The following NRXN3 variants were observed in gnomAD, a reference collection of about 807,000 sequenced individuals.
NRXN3 encodes neurexin III.
Under a neutral mutation model 137.6 loss-of-function variants are expected in NRXN3, and 32 were observed. The observed-to-expected ratio is 0.23, with a 90% CI of 0.18 to 0.31. The LOEUF (loss-of-function observed/expected upper bound fraction) is 0.31, where lower values mean the gene tolerates loss of function less well. NRXN3 is among the 10% of genes least tolerant of loss of function. The pLI, the probability that NRXN3 is intolerant of heterozygous loss-of-function variation, is 1.00. For missense variants in NRXN3, 1,574 were observed against 2,062.5 expected (o/e 0.76, Z 4.59); for synonymous variants, 798 against 784.5 (o/e 1.02, Z -0.29).
rs75276394 is a variant in NRXN3, at chr14:78,758,196, G to A, written c.2044+43057G>A. Among the ~76,000 whole-genome samples, 788 of 152,254 alleles carry A rather than the reference G, an allele frequency of 5.2e-3. 11 individuals carry two copies. The highest frequency in any genetic ancestry group is 0.017 in the African/African-American group (724 of 41,548). On this transcript the variant is annotated intron_variant, in intron 8 of 20. Transcript: ENST00000335750. ...CACCACTTTATAATTGTGTGGCTTC[G>A]GGTCAGTTAATGTATCTGAGCCTCA...
chr14:79,504,641 T>TTATATATATATATG lies in NRXN3; in HGVS notation c.3444+37253_3444+37266dup, dbSNP rs1555491924. ...AACTTCCATTATAAAATGAAGTTTTTTATATATATATATGTATATATATAT... is the reference window on the plus strand; with the variant it reads ...AACTTCCATTATAAAATGAAGTTTTTTATATATATATATGTATATATATATATGTATATATATAT... On this transcript the variant is annotated intron_variant, in intron 16 of 20. Coordinates refer to ENST00000335750, the MANE Select transcript of NRXN3 (RefSeq NM_001330195.2). Among the ~76,000 whole-genome samples, 340 of 97,896 alleles carry TTATATATATATATG rather than the reference T, an allele frequency of 3.5e-3. 16 individuals are homozygous for TTATATATATATATG. Among genetic ancestry groups the TTATATATATATATG allele is most frequent in the African/African-American group, 0.012 (309 of 26,736 alleles). The allele number at this position is 97,896 out of a possible 152,430, so 64.2% of individuals were successfully genotyped here. A position where few individuals can be genotyped will look rare whatever the true frequency, so the allele number is the denominator to read the frequency against.
At chr14:79,425,539 G>A (rs10150482) in intron 15 of NRXN3, among the ~76,000 whole-genome samples, 31,105 of 151,988 alleles carry the variant, frequency 0.2, 3,337 homozygotes, top group African/African-American at 0.23. Context: ...AGACTATTGT[G>A]CCTTTATATT....
intron 4 of NRXN3, among the ~76,000 whole-genome samples, chr14:78,546,503 G>T (rs1021245923): frequency 6.6e-6 from 1 of 152,144 alleles, no homozygotes; most frequent in Non-Finnish European, 1.5e-5. Flanking sequence ...GTAGTTAGAT[G>T]TCTGTTTTTA....
intron 4 of NRXN3, among the ~76,000 whole-genome samples, chr14:78,329,087 T>C (rs1413488959): frequency 2.0e-5 from 3 of 152,216 alleles, no homozygotes; most frequent in Non-Finnish European, 4.4e-5. Flanking sequence ...GGGACTATTC[T>C]CCTGCAATCT....
chr14:79,197,090 T>A (rs952743075), intron 15 of NRXN3, among the ~76,000 whole-genome samples: 4 of 152,196 alleles, frequency 2.6e-5, no homozygotes, highest in African/African-American at 9.6e-5. Flanking sequence ...CTTGGGCAAA[T>A]TCTTTTCTGT....
intron 19 of NRXN3, among the ~76,000 whole-genome samples, chr14:79,721,517 T>G (rs1440783022): frequency 6.6e-6 from 1 of 152,148 alleles, no homozygotes; most frequent in East Asian, 1.9e-4. Flanking sequence ...TCTTTCAAGA[T>G]GTAGACAAAT....
chr14:78,375,844 G>A (rs148325731), intron 4 of NRXN3, among the ~76,000 whole-genome samples: 80 of 152,288 alleles, frequency 5.3e-4, no homozygotes, highest in Non-Finnish European at 9.1e-4. Context: ...AAGGCTGTGA[G>A]GTGGGGATGA....
At chr14:78,584,688 A>G (rs1443964550) in intron 4 of NRXN3, among the ~76,000 whole-genome samples, 1 of 152,254 alleles carries the variant, frequency 6.6e-6, no homozygotes, top group Admixed American at 6.5e-5. Context: ...TAACTTTGTA[A>G]CATAACCTCC....
chr14:78,323,587 G>A (rs1381715443), intron 4 of NRXN3, among the ~76,000 whole-genome samples: 1 of 152,054 alleles, frequency 6.6e-6, no homozygotes, highest in Non-Finnish European at 1.5e-5. Flanking sequence ...TCCTCCCTGA[G>A]CCATACTGTG....
At chr14:79,247,195 C>T (rs1195646313) in intron 15 of NRXN3, 1 of 152,068 alleles carries the variant, frequency 6.6e-6, no homozygotes, top group Non-Finnish European at 1.5e-5. Flanking sequence ...CTACACTTTT[C>T]ATTTACCACC....
intron 6 of NRXN3, among the ~76,000 whole-genome samples, chr14:78,681,366 A>T (rs927508960): frequency 6.6e-6 from 1 of 152,214 alleles, no homozygotes; most frequent in Non-Finnish European, 1.5e-5. Context: ...GAAAACCCTT[A>T]TCCCTATAGG....
chr14:79,811,830 C>T (rs2099234958), intron 20 of NRXN3, among the ~76,000 whole-genome samples: 1 of 152,094 alleles, frequency 6.6e-6, no homozygotes, highest in African/African-American at 2.4e-5. Context: ...GATCCACCCA[C>T]CTCAGCCTCC....
intron 15 of NRXN3, among the ~76,000 whole-genome samples, chr14:79,023,724 C>T (rs138100201): frequency 1.3e-5 from 2 of 152,148 alleles, no homozygotes; most frequent in Non-Finnish European, 2.9e-5. Context: ...GGAAAGGCCC[C>T]TTAGAAAACC....
chr14:78,646,851 T>C (rs2097693181), intron 5 of NRXN3, among the ~76,000 whole-genome samples: 1 of 152,198 alleles, frequency 6.6e-6, no homozygotes, highest in Admixed American at 6.5e-5. Context: ...AGAGAACGTC[T>C]CAACTGTCAA....
intron 19 of NRXN3, among the ~76,000 whole-genome samples, chr14:79,740,765 T>TAC (rs2098960359): frequency 8.7e-6 from 1 of 114,332 alleles, no homozygotes; most frequent in Non-Finnish European, 1.8e-5. Flanking sequence ...TATATATATA[T>TAC]ATAACCTTAC....
intron 4 of NRXN3, among the ~76,000 whole-genome samples, chr14:78,633,962 C>T (rs1002682272): frequency 2.6e-5 from 4 of 152,222 alleles, no homozygotes; most frequent in Non-Finnish European, 5.9e-5. Flanking sequence ...CCTCCCTCCC[C>T]CTGCAGGGGA....
chr14:78,235,155 A>C (rs1341802357), intron 1 of NRXN3, among the ~76,000 whole-genome samples: 3 of 151,376 alleles, frequency 2.0e-5, no homozygotes, highest in Admixed American at 6.6e-5. Flanking sequence ...ATCAAGTTGC[A>C]TTCCTTTCCA....
At chr14:78,398,138 C>T (rs758442058) in intron 4 of NRXN3, among the ~76,000 whole-genome samples, 62 of 149,430 alleles carry the variant, frequency 4.1e-4, no homozygotes, top group African/African-American at 7.1e-4. Context: ...TGCTTGAATC[C>T]GGGAGGCAGA....
intron 16 of NRXN3, chr14:79,611,547 C>T: frequency 6.6e-6 from 1 of 152,472 alleles, no homozygotes; most frequent in Non-Finnish European, 1.5e-5. Flanking sequence ...TTGCAGTGAG[C>T]TGAGATCATG....
Sources: gnomAD v4.1 joint callset for allele counts (sites outside exome capture counted in the v4.1 genomes callset) on GRCh38, gnomAD v4.1.1 for gene constraint, MANE v1.5 for transcripts, NCBI Gene and HGNC (gene_info 2026-07-23, HGNC 2026-07-21) for gene names.